Variants in ST6GALNAC3 observed in about 807,000 individuals in gnomAD.
ST6GALNAC3 encodes the protein alpha-N-acetylgalactosaminide alpha-2,6-sialyltransferase 3.
Under a neutral mutation model 32.7 loss-of-function variants are expected in ST6GALNAC3, and 25 were observed. That is an observed-to-expected ratio of 0.76 (90% CI 0.56 to 1.07). The LOEUF (loss-of-function observed/expected upper bound fraction) is 1.07. Ranked by LOEUF, ST6GALNAC3 falls within the 50% of genes least tolerant of loss-of-function variation. The pLI, the probability that ST6GALNAC3 is intolerant of heterozygous loss-of-function variation, is 0.00. For missense variants in ST6GALNAC3, 355 were observed against 382.4 expected (o/e 0.93, Z 0.60); for synonymous variants, 129 against 133.1 (o/e 0.97, Z 0.21).
chr1:76,572,920 C>T (rs1370979672), intron 3 of ST6GALNAC3, among the ~76,000 whole-genome samples: 1 of 152,068 alleles, frequency 6.6e-6, no homozygotes, highest in Non-Finnish European at 1.5e-5. Context: ...CTTACACTCA[C>T]TAAGGACGAA....
chr1:76,623,108 GGGGTAAACATCAA>G (rs1648749244), intron 3 of ST6GALNAC3, among the ~76,000 whole-genome samples: 1 of 149,924 alleles, frequency 6.7e-6, no homozygotes, highest in African/African-American at 2.4e-5. Context: ...TGAAGGAATA[GGGGTAAACATCAA>G]GGGTAAAGTA....
At chr1:76,614,849 T>C (rs980535995) in intron 3 of ST6GALNAC3, among the ~76,000 whole-genome samples, 1 of 148,062 alleles carries the variant, frequency 6.8e-6, no homozygotes, top group East Asian at 2.0e-4. Context: ...TAGGAAAGAA[T>C]AGAGAGGAAT....
chr1:76,562,179 G>A (rs896949351), intron 3 of ST6GALNAC3, among the ~76,000 whole-genome samples: 1 of 152,116 alleles, frequency 6.6e-6, no homozygotes, highest in African/African-American at 2.4e-5. Context: ...AGATTGTGGT[G>A]ATAAATGCAC....
At chr1:76,178,188 A>G (rs1186330911) in intron 1 of ST6GALNAC3, among the ~76,000 whole-genome samples, 2 of 152,262 alleles carry the variant, frequency 1.3e-5, no homozygotes, top group African/African-American at 4.8e-5. Context: ...GTAACCACAC[A>G]GGAGAATAAA....
At chr1:76,485,673 G>C (rs191869718) in intron 3 of ST6GALNAC3, among the ~76,000 whole-genome samples, 57 of 152,152 alleles carry the variant, frequency 3.7e-4, no homozygotes, top group Middle Eastern at 3.4e-3. Context: ...CAAAAAACTA[G>C]CTCCTGGATT....
chr1:76,313,772 C>T (rs773357790), intron 1 of ST6GALNAC3, 33 bp from the exon 2 acceptor site: 26 of 1,607,718 alleles, frequency 1.6e-5, no homozygotes, highest in South Asian at 6.6e-5. Context: ...GAAAGTCATT[C>T]GTTCTTCTTT....
At chr1:76,355,871 G>A (rs145580968) in intron 2 of ST6GALNAC3, among the ~76,000 whole-genome samples, 6 of 152,024 alleles carry the variant, frequency 3.9e-5, no homozygotes, top group Non-Finnish European at 8.8e-5. Context: ...TCTCTGTCTC[G>A]CTTTCCCAGA....
At chr1:76,279,366 T>A (rs1659366023) in intron 1 of ST6GALNAC3, among the ~76,000 whole-genome samples, 1 of 152,238 alleles carries the variant, frequency 6.6e-6, no homozygotes, top group South Asian at 2.1e-4. Flanking sequence ...GAGCCCCGTG[T>A]TCTTTGGTAA....
chr1:76,350,120 T>G (rs1275659907), intron 2 of ST6GALNAC3, among the ~76,000 whole-genome samples: 1 of 151,068 alleles, frequency 6.6e-6, no homozygotes, highest in African/African-American at 2.5e-5. Flanking sequence ...TTTCTGTTGG[T>G]TTTTTTTCAA....
chr1:76,630,834 G>A lies in ST6GALNAC3; in HGVS notation c.*2028G>A, dbSNP rs1649260835. The A allele has an allele frequency of 1.0e-6, 1 of 985,486 alleles. No individual in the cohort carries two copies. The highest frequency in any genetic ancestry group is 1.2e-6 in the Non-Finnish European group (1 of 829,784). 61.0% of individuals were successfully genotyped at this position (985,486 alleles called of 1,614,324 possible). A position where few individuals can be genotyped will look rare whatever the true frequency, so the allele number is the denominator to read the frequency against. On this transcript the variant is annotated 3_prime_UTR_variant, in exon 5 of 5. Transcript: ENST00000328299. ...GTTAAGTTTTTTTGAGCTAATGATA[G>A]ATAGAAATGCCCACTCAAAGAAAAA...
intron 1 of ST6GALNAC3, chr1:76,305,883 A>G: frequency 1.9e-6 from 1 of 517,704 alleles, no homozygotes; most frequent in Non-Finnish European, 3.9e-6. Context: ...GAAAATGGTA[A>G]AGATGACTTG....
intron 1 of ST6GALNAC3, among the ~76,000 whole-genome samples, chr1:76,158,076 A>C (rs1267672153): frequency 6.6e-6 from 1 of 152,214 alleles, no homozygotes; most frequent in Non-Finnish European, 1.5e-5. Flanking sequence ...AAGCCATCTG[A>C]TAAATATTTT....
At chr1:76,552,818 C>T (rs1343272940) in intron 3 of ST6GALNAC3, among the ~76,000 whole-genome samples, 1 of 152,138 alleles carries the variant, frequency 6.6e-6, no homozygotes, top group South Asian at 2.1e-4. Flanking sequence ...CTTATTCTAA[C>T]CCTAATGGTA....
intron 1 of ST6GALNAC3, among the ~76,000 whole-genome samples, chr1:76,259,514 T>C (rs1417975784): frequency 6.6e-6 from 1 of 152,204 alleles, no homozygotes; most frequent in Non-Finnish European, 1.5e-5. Context: ...ATTATCATCA[T>C]CACCACCTCC....
chr1:76,561,956 A>C (rs534596314), intron 3 of ST6GALNAC3, among the ~76,000 whole-genome samples: 1 of 152,324 alleles, frequency 6.6e-6, no homozygotes, highest in South Asian at 2.1e-4. Flanking sequence ...AACATGTATG[A>C]ATCTTGGAAA....
downstream of ST6GALNAC3, among the ~76,000 whole-genome samples, chr1:76,634,861 G>A (rs1486686698): frequency 1.9e-5 from 2 of 104,132 alleles, 1 homozygote. Context: ...CACTACGCCC[G>A]GCTAATTTTT....
chr1:76,485,396 C>A (rs1056990939), intron 3 of ST6GALNAC3, among the ~76,000 whole-genome samples: 1 of 152,180 alleles, frequency 6.6e-6, no homozygotes, highest in Non-Finnish European at 1.5e-5. Flanking sequence ...GCCTCAATTT[C>A]AGAGCCTGTT....
At chr1:76,482,215 A>C (rs573643412) in intron 3 of ST6GALNAC3, among the ~76,000 whole-genome samples, 4 of 151,996 alleles carry the variant, frequency 2.6e-5, no homozygotes, top group Non-Finnish European at 5.9e-5. Context: ...ATTTCAGCCC[A>C]AGAGATCTTT....
intron 1 of ST6GALNAC3, among the ~76,000 whole-genome samples, chr1:76,157,497 T>A (rs112265818): frequency 3.9e-5 from 6 of 152,362 alleles, no homozygotes; most frequent in African/African-American, 1.4e-4. Context: ...ACGGTTTATT[T>A]TGCCTTAGTT....
Sources: gnomAD v4.1 joint callset for allele counts (sites outside exome capture counted in the v4.1 genomes callset) on GRCh38, gnomAD v4.1.1 for gene constraint, MANE v1.5 for transcripts, NCBI Gene and HGNC (gene_info 2026-07-23, HGNC 2026-07-21) for gene names.